ABCA10: variants seen among roughly 807,000 people sequenced by gnomAD.
ABCA10 encodes the protein ATP binding cassette subfamily A member 10.
A neutral mutation model predicts 187.5 loss-of-function variants in ABCA10; 169 were observed. The ratio of observed to expected loss-of-function variants is 0.90; its 90% CI spans 0.80 to 1.02. The LOEUF (loss-of-function observed/expected upper bound fraction) is 1.02, where lower values mean the gene tolerates loss of function less well. ABCA10 is among the 50% of genes least tolerant of loss of function. The probability of loss-of-function intolerance (pLI) is 0.00; values close to 1 mark genes in which losing one functional copy is unlikely to be tolerated. For missense variants in ABCA10, 1,727 were observed against 1,812.4 expected, an observed-to-expected ratio of 0.95 and a Z score of 0.86; for synonymous variants, 574 against 601.8, an observed-to-expected ratio of 0.95 and a Z score of 0.68.
intron 27 of ABCA10, among the ~76,000 whole-genome samples, chr17:69,161,656 C>T (rs2074219260): frequency 6.6e-6 from 1 of 152,156 alleles, no homozygotes; most frequent in African/African-American, 2.4e-5. Context: ...TAAACTCATC[C>T]TAACTTCTTA....
rs997622454 is a variant in ABCA10 at position 69,193,413 on chromosome 17, T to G, written c.1641+80A>C. On this transcript the variant is annotated intron_variant, in intron 14 of 38. Transcript: ENST00000690296. ...ATAAATTTTCCCTCACATTTGGTAA[T>G]TACAGTAGAAGTTGGACTTTAATAA... The G allele has an allele frequency of 9.1e-6, 14 of 1,533,294 alleles. No individual in the cohort carries two copies. In the African/African-American group the frequency reaches 1.7e-4, roughly 18 times the overall value. 95.0% of individuals were successfully genotyped at this position (1,533,294 alleles called of 1,614,324 possible).
intron 3 of ABCA10, among the ~76,000 whole-genome samples, chr17:69,224,999 T>C (rs778591400): frequency 2.6e-5 from 4 of 152,094 alleles, no homozygotes; most frequent in Non-Finnish European, 4.4e-5. Flanking sequence ...AAATATAAAG[T>C]TTTTTAAGTT....
chr17:69,222,027 G>A, intron 4 of ABCA10, 132 bp from the exon 5 acceptor site: 7 of 664,760 alleles, frequency 1.1e-5, no homozygotes, highest in Non-Finnish European at 9.8e-6. Flanking sequence ...TGATATAGAG[G>A]ATTTTTAAAG....
intron 9 of ABCA10, among the ~76,000 whole-genome samples, chr17:69,203,489 C>G (rs2074563838): frequency 6.6e-6 from 1 of 152,136 alleles, no homozygotes; most frequent in South Asian, 2.1e-4. Flanking sequence ...TTCCCTCTCA[C>G]TTCCCCCAAC....
chr17:69,216,143 C>A, intron 7 of ABCA10, 74 bp downstream of exon 7: 2 of 1,548,266 alleles, frequency 1.3e-6, no homozygotes, highest in Non-Finnish European at 8.7e-7. Context: ...CACTAATATC[C>A]CAAAGAAACA....
chr17:69,153,123 CT>C (rs1396247068), intron 34 of ABCA10, among the ~76,000 whole-genome samples, 181 bp downstream of exon 34: 1 of 152,122 alleles, frequency 6.6e-6, no homozygotes, highest in Non-Finnish European at 1.5e-5. Flanking sequence ...CTTAAAATAT[CT>C]ATTTTTTCCC....
intron 6 of ABCA10, 127 bp from the exon 7 acceptor site, chr17:69,216,485 C>A (rs2074706298): frequency 9.0e-7 from 1 of 1,111,294 alleles, no homozygotes; most frequent in South Asian, 2.0e-5. Context: ...GGTGGCCATA[C>A]ACATTTTGTG....
At chr17:69,243,082 A>C (rs955182426) in intron 1 of ABCA10, among the ~76,000 whole-genome samples, 1 of 152,212 alleles carries the variant, frequency 6.6e-6, no homozygotes, top group African/African-American at 2.4e-5. Flanking sequence ...TGAGAAACCT[A>C]ATTAGCATCC....
At chr17:69,204,722 G>A (rs1212138937) in intron 9 of ABCA10, among the ~76,000 whole-genome samples, 1 of 152,182 alleles carries the variant, frequency 6.6e-6, no homozygotes. Context: ...TGTCTAATTG[G>A]TACAGATACC....
chr17:69,157,793 A>C (rs2074185540), intron 27 of ABCA10, among the ~76,000 whole-genome samples: 2 of 152,114 alleles, frequency 1.3e-5, no homozygotes, highest in African/African-American at 4.8e-5. Context: ...AAAGATAGAA[A>C]TAAAACAAGT....
intron 1 of ABCA10, among the ~76,000 whole-genome samples, chr17:69,238,504 A>C (rs1436740234): frequency 6.6e-6 from 1 of 152,214 alleles, no homozygotes; most frequent in African/African-American, 2.4e-5. Context: ...TGGATTCTCT[A>C]TGAACTAGCT....
intron 3 of ABCA10, among the ~76,000 whole-genome samples, chr17:69,225,079 G>A (rs2074782627): frequency 6.6e-6 from 1 of 151,788 alleles, no homozygotes; most frequent in South Asian, 2.1e-4. Context: ...GCAACAATAT[G>A]TTCTAGTATA....
intron 24 of ABCA10, 106 bp downstream of exon 24, chr17:69,174,501 T>C: frequency 6.9e-7 from 1 of 1,446,644 alleles, no homozygotes; most frequent in Non-Finnish European, 9.4e-7. Context: ...TTTTCTTATT[T>C]TCTTGCATAT....
At chr17:69,233,124 CTAT>C (rs761138264), upstream of ABCA10, 1 of 151,992 alleles carries the variant, frequency 6.6e-6, no homozygotes, top group Non-Finnish European at 1.5e-5. Context: ...TTGGAAAGTC[CTAT>C]TATTATTTCT....
rs777487333 is a variant in ABCA10 at position 69,191,173 on chromosome 17, T to TA, written c.2011+2dup. On this transcript the variant is annotated splice_region_variant and intron_variant, in intron 17 of 38. Coordinates refer to ENST00000690296, the MANE Select transcript of ABCA10 (RefSeq NM_001377321.1). ...TATTCTATGTGATTACACAGTAAGT[T>TA]ACCTGGAAATTTGTTCGTTTTTTCC... The TA allele has an allele frequency of 5.5e-5, 87 of 1,589,560 alleles. 1 individual carries two copies. The highest frequency in any genetic ancestry group is 7.2e-5 in the Non-Finnish European group (84 of 1,166,914).
At chr17:69,170,177 A>C (rs1280263778) in intron 25 of ABCA10, among the ~76,000 whole-genome samples, 2 of 151,702 alleles carry the variant, frequency 1.3e-5, no homozygotes, top group African/African-American at 4.8e-5. Context: ...AGTCCCAGCT[A>C]CTCAGGAAGC....
Position 69,187,840 on chromosome 17 carries a change from C to G in ABCA10, c.2171G>C (p.Arg724Thr), listed in dbSNP as rs1372092302. The G allele has an allele frequency of 1.2e-6, 2 of 1,613,670 alleles. No homozygotes were observed. Among genetic ancestry groups the G allele is most frequent in the African/African-American group, 2.7e-5 (2 of 74,916 alleles). The stretch of plus-strand genomic sequence containing the variant: ...CATTTCAGACTCATCTCCAGTATTT[C>G]TTGTCACATGTATTTTCTCTTGTTT... ...IGKQEKIHVT[R>T]NTGDESEMEQ... The change falls in exon 19 of 39, where the codon AGA (arginine) becomes ACA (threonine). Residue 724 changes from arginine to threonine, a missense_variant. Coordinates refer to ENST00000690296, the MANE Select transcript of ABCA10 (RefSeq NM_001377321.1).
intron 12 of ABCA10, 141 bp from the exon 13 acceptor site, chr17:69,194,130 C>T: frequency 3.5e-6 from 3 of 856,362 alleles, no homozygotes; most frequent in South Asian, 1.9e-5. Context: ...ATAATTAATA[C>T]ATTGAATAAT....
rs188618583 is a variant in ABCA10 at position 69,221,080 on chromosome 17, T to C, written c.303+712A>G. Among the ~76,000 whole-genome samples the C allele has an allele frequency of 5.1e-4, 77 of 152,266 alleles. No individual in the cohort carries two copies. The East Asian group carries it at 0.01, about 20-fold the overall frequency. On this transcript the variant is annotated intron_variant, in intron 5 of 38. Transcript: ENST00000690296. ...GAAAGAGATGCCTGAGATAGAACTTTGTGGAACTACAGATAGAAAGATGTA... is the reference window on the plus strand; with the variant it reads ...GAAAGAGATGCCTGAGATAGAACTTCGTGGAACTACAGATAGAAAGATGTA...
Sources: gnomAD v4.1 joint callset for allele counts (sites outside exome capture counted in the v4.1 genomes callset) on GRCh38, gnomAD v4.1.1 for gene constraint, MANE v1.5 for transcripts, NCBI Gene and HGNC (gene_info 2026-07-23, HGNC 2026-07-21) for gene names.